Variants in LYPLAL1 observed in about 807,000 individuals in gnomAD.
LYPLAL1 encodes the protein lysophospholipase-like protein 1.
In LYPLAL1, 23 loss-of-function variants were observed where a neutral mutation model predicts 19.7. The ratio of observed to expected loss-of-function variants is 1.17; its 90% CI spans 0.84 to 1.65. The LOEUF (loss-of-function observed/expected upper bound fraction) is 1.65, where lower values mean the gene tolerates loss of function less well. Among genes scored for constraint, LYPLAL1 ranks in the 40% most tolerant of loss-of-function variants. LYPLAL1 has a pLI of 0.00. For synonymous variants in LYPLAL1, 119 were observed against 96.3 expected (o/e 1.24, Z -1.38); for missense variants, 355 against 279.4 (o/e 1.27, Z -1.93).
the LYPLAL1 span, among the ~76,000 whole-genome samples, chr1:219,287,344 T>C: frequency 2.0e-5 from 3 of 152,326 alleles, no homozygotes; most frequent in Admixed American, 6.5e-5. Flanking sequence ...GCTACCCTTA[T>C]GCCAGTGCAA....
the LYPLAL1 span, among the ~76,000 whole-genome samples, chr1:219,237,508 A>G: frequency 6.6e-6 from 1 of 152,196 alleles, no homozygotes; most frequent in African/African-American, 2.4e-5. Flanking sequence ...TAATTACAAC[A>G]TATGACACCA....
chr1:219,182,480 G>A (rs1255340018), intron 2 of LYPLAL1, among the ~76,000 whole-genome samples: 1 of 152,002 alleles, frequency 6.6e-6, no homozygotes, highest in Non-Finnish European at 1.5e-5. Flanking sequence ...AGAGATTCTG[G>A]TGTCATCTAC....
chr1:219,243,685 C>T, the LYPLAL1 span, among the ~76,000 whole-genome samples: 2 of 151,962 alleles, frequency 1.3e-5, no homozygotes, highest in East Asian at 1.9e-4. Flanking sequence ...TTTGGGAGGC[C>T]GAGGTGGGTG....
the LYPLAL1 span, among the ~76,000 whole-genome samples, chr1:219,349,891 A>G: frequency 6.6e-6 from 1 of 152,192 alleles, no homozygotes; most frequent in Non-Finnish European, 1.5e-5. Context: ...AATAACAGGG[A>G]AAAATAGTAA....
At chr1:219,289,236 G>A in the LYPLAL1 span, among the ~76,000 whole-genome samples, 1 of 152,186 alleles carries the variant, frequency 6.6e-6, no homozygotes, top group Non-Finnish European at 1.5e-5. Context: ...GCTTAATGCC[G>A]AAACCTGATC....
chr1:219,243,919 CA>C, the LYPLAL1 span, among the ~76,000 whole-genome samples: 3,446 of 128,992 alleles, frequency 0.027, 149 homozygotes, highest in African/African-American at 0.092. Context: ...AACTCCATCT[CA>C]AAAAAAAAAA....
the LYPLAL1 span, among the ~76,000 whole-genome samples, chr1:219,263,507 A>C: frequency 1.3e-5 from 2 of 152,102 alleles, no homozygotes; most frequent in African/African-American, 2.4e-5. Context: ...TGGTATCTCT[A>C]GCAATTCCTG....
chr1:219,315,227 A>G, the LYPLAL1 span, among the ~76,000 whole-genome samples: 1 of 152,226 alleles, frequency 6.6e-6, no homozygotes, highest in Non-Finnish European at 1.5e-5. Context: ...CGTTAAGACG[A>G]TGTGCAAAAG....
At chr1:219,307,023 C>CATATATATATATATATATAT in the LYPLAL1 span, among the ~76,000 whole-genome samples, 14 of 119,458 alleles carry the variant, frequency 1.2e-4, no homozygotes, top group African/African-American at 3.8e-4. Flanking sequence ...TATACACATA[C>CATATATATATATATATATAT]ATATATATAT....
the LYPLAL1 span, among the ~76,000 whole-genome samples, chr1:219,286,959 T>C: frequency 2.0e-5 from 3 of 152,348 alleles, no homozygotes; most frequent in South Asian, 6.2e-4. Context: ...GGGAATGGTA[T>C]GGAAGGAGGA....
the LYPLAL1 span, among the ~76,000 whole-genome samples, chr1:219,316,292 A>C: frequency 1.3e-5 from 2 of 152,286 alleles, no homozygotes; most frequent in Admixed American, 6.5e-5. Flanking sequence ...TCTAGGAATA[A>C]GTCTCATTTT....
At chr1:219,261,346 G>T in the LYPLAL1 span, among the ~76,000 whole-genome samples, 8 of 152,228 alleles carry the variant, frequency 5.3e-5, no homozygotes, top group Admixed American at 1.3e-4. Flanking sequence ...TTCGTTATCA[G>T]TTGGGAAGGT....
chr1:219,243,733 A>T, the LYPLAL1 span, among the ~76,000 whole-genome samples: 7 of 152,062 alleles, frequency 4.6e-5, no homozygotes, highest in South Asian at 1.5e-3. Flanking sequence ...CAGCCTGGCC[A>T]ACATGAAAAC....
chr1:219,433,484 CCTT>C, the LYPLAL1 span, among the ~76,000 whole-genome samples: 6 of 152,212 alleles, frequency 3.9e-5, no homozygotes, highest in Admixed American at 3.9e-4. Flanking sequence ...TACATTAAAT[CCTT>C]CTTCCAGAAA....
the LYPLAL1 span, among the ~76,000 whole-genome samples, chr1:219,437,504 C>T: frequency 6.6e-6 from 1 of 152,086 alleles, no homozygotes; most frequent in South Asian, 2.1e-4. Context: ...TGACTCTGAT[C>T]CTTCCCCTCC....
At chr1:219,208,959 A>C (rs1262453435) in intron 3 of LYPLAL1, among the ~76,000 whole-genome samples, 1 of 152,106 alleles carries the variant, frequency 6.6e-6, no homozygotes, top group African/African-American at 2.4e-5. Flanking sequence ...TTAATGCACA[A>C]ATTCATGGAT....
At chr1:219,219,000 CATT>C in the LYPLAL1 span, among the ~76,000 whole-genome samples, 3 of 152,104 alleles carry the variant, frequency 2.0e-5, no homozygotes, top group Non-Finnish European at 1.5e-5. Context: ...TTGTCCAAAA[CATT>C]AGTCCCAGCA....
At chr1:219,320,395 C>G in the LYPLAL1 span, among the ~76,000 whole-genome samples, 1 of 152,006 alleles carries the variant, frequency 6.6e-6, no homozygotes, top group Non-Finnish European at 1.5e-5. Context: ...TCTTGATCGT[C>G]AAGATTAATC....
At chr1:219,370,555 C>T in the LYPLAL1 span, among the ~76,000 whole-genome samples, 1 of 152,162 alleles carries the variant, frequency 6.6e-6, no homozygotes, top group Non-Finnish European at 1.5e-5. Context: ...CATGAGGAAG[C>T]AGGAAAGTGC....
Sources: gnomAD v4.1 joint callset for allele counts (sites outside exome capture counted in the v4.1 genomes callset) on GRCh38, gnomAD v4.1.1 for gene constraint, MANE v1.5 for transcripts, NCBI Gene and HGNC (gene_info 2026-07-23, HGNC 2026-07-21) for gene names.